The following SELENBP1 variants were observed in gnomAD, a reference collection of about 807,000 sequenced individuals.
SELENBP1 encodes the protein methanethiol oxidase.
A neutral mutation model predicts 61.0 loss-of-function variants in SELENBP1; 71 were observed. That is an observed-to-expected ratio of 1.16 (90% confidence interval 0.96 to 1.42). SELENBP1 has a LOEUF of 1.42. Ranked by LOEUF, SELENBP1 falls within the 40% of genes most tolerant of loss-of-function variation. SELENBP1 has a pLI of 0.00. For missense variants in SELENBP1, 561 were observed against 605.0 expected (o/e 0.93, Z 0.76); for synonymous variants, 270 against 238.9 (o/e 1.13, Z -1.20).
In SELENBP1 at chr1:151,366,414, C is replaced by T. The variant is rs142489327; in HGVS notation, c.704G>A (p.Arg235His). The T allele has an allele frequency of 5.9e-5, 96 of 1,614,022 alleles. No homozygotes were observed. In the East Asian group the frequency reaches 9.8e-4, roughly 16 times the overall value. ...AGACAGGGTCTGCACAATCTCATGG[C>T]GCTGCCAGTCCCATACATATAAGTG... is the stretch of plus-strand genomic sequence containing the variant. ...GSHLYVWDWQ[R>H]HEIVQTLSLK... The change falls in exon 7 of 12, where the codon CGC becomes CAC. Residue 235 changes from arginine to histidine, a missense_variant. Transcript: ENST00000368868.
Position 151,368,339 on chromosome 1 carries a change from G to T in SELENBP1, c.361-20C>A. The T allele has an allele frequency of 6.2e-7, 1 of 1,613,480 alleles. No individual in the cohort carries two copies. The highest frequency in any genetic ancestry group is 1.1e-5 in the South Asian group (1 of 91,072). On this transcript the variant is annotated intron_variant, in intron 4 of 11. Transcript: ENST00000368868. ...AATGACCTGGAAGGGGTGGGGAATGGTGTCAGAATCATACAGGACTGGGAG... is the reference window on the plus strand; with the variant it reads ...AATGACCTGGAAGGGGTGGGGAATGTTGTCAGAATCATACAGGACTGGGAG...
intron 11 of SELENBP1, 85 bp downstream of exon 11, chr1:151,364,841 G>T (rs908459411): frequency 9.3e-6 from 14 of 1,507,842 alleles, no homozygotes; most frequent in Non-Finnish European, 1.2e-5. Flanking sequence ...GGGTACAGGG[G>T]TCTCCTTGAG....
At position 151,364,444 on chromosome 1, in the gene SELENBP1, A is replaced by G. The variant is rs1180322528; in HGVS notation, c.*99T>C. ...CAGTCTCAGCTTGGCTGTGTGGTACATGCTGCCAAGGGTCGGGTGCCAAGA... is the reference window on the plus strand; with the variant it reads ...CAGTCTCAGCTTGGCTGTGTGGTACGTGCTGCCAAGGGTCGGGTGCCAAGA... On this transcript the variant is annotated 3_prime_UTR_variant, in exon 12 of 12. Coordinates refer to ENST00000368868, the MANE Select transcript of SELENBP1 (RefSeq NM_003944.4). The G allele has an allele frequency of 4.8e-6, 7 of 1,445,442 alleles. No homozygotes were observed. Among genetic ancestry groups the G allele is most frequent in the South Asian group, 1.2e-5 (1 of 84,234 alleles). 89.5% of individuals were successfully genotyped at this position (1,445,442 alleles called of 1,614,324 possible). A position where few individuals can be genotyped will look rare whatever the true frequency, so the allele number is the denominator to read the frequency against.
intron 5 of SELENBP1, chr1:151,367,254 T>G (rs1262459537): frequency 2.6e-5 from 5 of 193,722 alleles, no homozygotes; most frequent in South Asian, 1.2e-4. Flanking sequence ...TGAGGCAGGA[T>G]AATCTCTTGA....
At chr1:151,372,039 C>T (rs1017566518) in intron 1 of SELENBP1, among the ~76,000 whole-genome samples, 3 of 152,174 alleles carry the variant, frequency 2.0e-5, no homozygotes, top group Non-Finnish European at 2.9e-5. Flanking sequence ...CCCAACCAAA[C>T]CTCAGTTCCT....
At position 151,369,557 on chromosome 1, in the gene SELENBP1, G is replaced by A. The variant is rs773592632; in HGVS notation, c.62-3C>T. On this transcript the variant is annotated splice_polypyrimidine_tract_variant and splice_region_variant and intron_variant, in intron 2 of 11. Transcript: ENST00000368868. ...GTAGACGATCTCTTCCCTGGGTCCT[G>A]CACGGTAGAAAGCAGGCAGCAGGGA... 2 of 1,601,690 alleles carry A rather than the reference G, an allele frequency of 1.2e-6. No individual in the cohort carries two copies. Among genetic ancestry groups the A allele is most frequent in the Admixed American group, 1.7e-5 (1 of 57,438 alleles).
At chr1:151,368,141 T>C (rs1651950960) in intron 5 of SELENBP1, 58 bp downstream of exon 5, 1 of 1,582,980 alleles carries the variant, frequency 6.3e-7, no homozygotes, top group Non-Finnish European at 8.6e-7. Flanking sequence ...CACAGAAAAA[T>C]GCTTCCCACA....
intron 2 of SELENBP1, 64 bp downstream of exon 2, chr1:151,369,649 G>T: frequency 6.5e-7 from 1 of 1,544,988 alleles, no homozygotes; most frequent in Non-Finnish European, 8.8e-7. Flanking sequence ...TAGGTCTGAA[G>T]TCCCTCCACC....
chr1:151,367,040 C>T, intron 5 of SELENBP1, 136 bp from the exon 6 acceptor site: 1 of 1,466,246 alleles, frequency 6.8e-7, no homozygotes, highest in East Asian at 2.4e-5. Context: ...TTGCCAGTTC[C>T]TTAAATTCAG....
chr1:151,365,189 C>G lies in SELENBP1; in HGVS notation c.1137G>C (p.Lys379Asn). The change falls in exon 10 of 12, where the codon AAG becomes AAC. Residue 379 changes from lysine (K) to asparagine (N), a missense_variant and splice_region_variant. Transcript: ENST00000368868. ...LKSQPEPLVV[K>N]GKRVAGGPQM... ...AGCAAGTAGGGGGAGAGGCTCTTAC[C>G]TTGACCACTAGGGGCTCTGGCTGGG... 1.2e-6 allele frequency: 2 copies of G among 1,613,688 alleles called. No homozygotes were observed. The highest frequency in any genetic ancestry group is 1.7e-6 in the Non-Finnish European group (2 of 1,179,762).
chr1:151,364,915 C>G lies in SELENBP1; in HGVS notation c.1256+11G>C. On this transcript the variant is annotated intron_variant, in intron 11 of 11. Coordinates refer to ENST00000368868, the MANE Select transcript of SELENBP1 (RefSeq NM_003944.4). ...GGGCTGGGGAGGAGAGCCCATGTGT[C>G]TGCTTCTCACCTGATGAGATCAGGG... 1 of 1,612,834 alleles carries G rather than the reference C, an allele frequency of 6.2e-7. No homozygotes were observed. Among genetic ancestry groups the G allele is most frequent in the Non-Finnish European group, 8.5e-7 (1 of 1,178,980 alleles).
At position 151,366,385 on chromosome 1, in the gene SELENBP1, T is replaced by C. The variant is rs1182398529; in HGVS notation, c.733A>G (p.Lys245Glu). The C allele has an allele frequency of 6.2e-7, 1 of 1,613,992 alleles. No individual in the cohort carries two copies. Among genetic ancestry groups the C allele is most frequent in the Non-Finnish European group, 8.5e-7 (1 of 1,180,030 alleles). Reference sequence around the variant, plus strand: ...ATCTCCAAGGGAATAAGCCCATCTTTTAGAGACAGGGTCTGCACAATCTCA... The same window carrying C: ...ATCTCCAAGGGAATAAGCCCATCTTCTAGAGACAGGGTCTGCACAATCTCA... ...RHEIVQTLSL[K>E]DGLIPLEIRF... The change falls in exon 7 of 12, where the codon AAA becomes GAA. Residue 245 changes from lysine (K) to glutamate (E), a missense_variant. Lys to Glu is a moderately conservative substitution (Grantham distance 56). Transcript: ENST00000368868.
intron 9 of SELENBP1, 80 bp downstream of exon 9, chr1:151,365,483 T>A: frequency 1.9e-6 from 3 of 1,599,038 alleles, no homozygotes; most frequent in Non-Finnish European, 2.6e-6. Flanking sequence ...ATCCTGCAGC[T>A]GCTTCAGATC....
At position 151,368,203 on chromosome 1, in the gene SELENBP1, G is replaced by C; in HGVS notation, c.477C>G (p.Gly159=). The C allele has an allele frequency of 6.2e-7, 1 of 1,613,980 alleles. No homozygotes were observed. Among genetic ancestry groups the C allele is most frequent in the Non-Finnish European group, 8.5e-7 (1 of 1,179,950 alleles). The change falls in exon 5 of 12, where the codon GGC becomes GGG. Residue 159 remains glycine (G), a synonymous_variant. Coordinates refer to ENST00000368868, the MANE Select transcript of SELENBP1 (RefSeq NM_003944.4). ...ISSLGDVKGN[G]KGGFVLLDGE... ...GCACACAGTGCTGGCAGGTACCTTT[G>C]CCATTGCCCTTGACGTCTCCCAGGG...
rs970290987 is a variant in SELENBP1 at position 151,365,187 on chromosome 1, A to T, written c.1137+2T>A. On this transcript the variant is annotated splice_donor_variant, in intron 10 of 11. Coordinates refer to ENST00000368868, the MANE Select transcript of SELENBP1 (RefSeq NM_003944.4). LOFTEE classifies it high-confidence loss of function. ...CCAGCAAGTAGGGGGAGAGGCTCTT[A>T]CCTTGACCACTAGGGGCTCTGGCTG... The T allele has an allele frequency of 1.2e-6, 2 of 1,613,418 alleles. No homozygotes were observed. Among genetic ancestry groups the T allele is most frequent in the Non-Finnish European group, 8.5e-7 (1 of 1,179,600 alleles).
Position 151,364,971 on chromosome 1 carries a change from G to C in SELENBP1, c.1211C>G (p.Ser404Trp). 6.2e-7 allele frequency: 1 copy of C among 1,613,878 alleles called. No individual in the cohort carries two copies. Among genetic ancestry groups the C allele is most frequent in the Non-Finnish European group, 8.5e-7 (1 of 1,179,960 alleles). The change falls in exon 11 of 12, where the codon TCG becomes TGG. Residue 404 changes from serine to tryptophan, a missense_variant. Coordinates refer to ENST00000368868, the MANE Select transcript of SELENBP1 (RefSeq NM_003944.4). The part of the protein sequence containing the change: ...LDGKRLYITT[S>W]LYSAWDKQFY... ...CTGCTTGTCCCAGGCACTGTACAGC[G>C]ACGTGGTGATGTAGAGGCGCTTCCC...
At chr1:151,368,953 G>A in intron 4 of SELENBP1, 51 bp downstream of exon 4, 6 of 1,544,152 alleles carry the variant, frequency 3.9e-6, no homozygotes, top group Non-Finnish European at 5.3e-6. Flanking sequence ...AGACTACCTG[G>A]GGTGGCAGGT....
chr1:151,368,989 G>T lies in SELENBP1; in HGVS notation c.360+15C>A. 6.3e-7 allele frequency: 1 copy of T among 1,599,982 alleles called. No homozygotes were observed. The highest frequency in any genetic ancestry group is 8.6e-7 in the Non-Finnish European group (1 of 1,169,172). ...GTCTTATGGTCTACTGAGCTGGCAA[G>T]GGCAGAGGACATGCCTTGTGCAGCT... On this transcript the variant is annotated intron_variant, in intron 4 of 11. Coordinates refer to ENST00000368868, the MANE Select transcript of SELENBP1 (RefSeq NM_003944.4).
Position 151,366,264 on chromosome 1 carries a change from G to A in SELENBP1, c.843+11C>T, listed in dbSNP as rs1282999673. On this transcript the variant is annotated intron_variant, in intron 7 of 11. Transcript: ENST00000368868. ...ACTACTGGGAGGGGAGGGCCAGAGG[G>A]CGTATGTCACCTCGTTCTTGTAGAA... 1.9e-6 allele frequency: 3 copies of A among 1,610,778 alleles called. No homozygotes were observed. The highest frequency in any genetic ancestry group is 1.7e-5 in the Admixed American group (1 of 59,970).
Sources: allele counts gnomAD v4.1 joint callset (sites outside exome capture counted in the v4.1 genomes callset), GRCh38; gene constraint gnomAD v4.1.1; transcripts MANE v1.5; gene names NCBI Gene and HGNC (gene_info 2026-07-23, HGNC 2026-07-21).